DLG2: variants seen among roughly 807,000 people sequenced by gnomAD.
The protein encoded by DLG2 is disks large homolog 2.
In DLG2, 45 loss-of-function variants were observed where a neutral mutation model predicts 132.5. The observed-to-expected ratio is 0.34, with a 90% confidence interval of 0.27 to 0.44. DLG2 has a LOEUF of 0.44. DLG2 is among the 20% of genes least tolerant of loss of function. DLG2 has a pLI of 1.00. For synonymous variants in DLG2, 424 were observed against 419.6 expected (o/e 1.01, Z -0.13); for missense variants, 1,045 against 1,196.9 (o/e 0.87, Z 1.87).
intron 8 of DLG2, among the ~76,000 whole-genome samples, chr11:84,208,088 A>T (rs2096698846): frequency 6.6e-6 from 1 of 151,984 alleles, no homozygotes; most frequent in South Asian, 2.1e-4. Flanking sequence ...AACATATCTC[A>T]CCTTTGCAGT....
At chr11:83,799,124 A>C (rs926811937) in intron 17 of DLG2, among the ~76,000 whole-genome samples, 2 of 152,256 alleles carry the variant, frequency 1.3e-5, no homozygotes, top group Non-Finnish European at 2.9e-5. Flanking sequence ...ATTCACATGT[A>C]TTAAATGATC....
intron 7 of DLG2, among the ~76,000 whole-genome samples, chr11:84,356,760 T>C (rs1338248892): frequency 1.3e-5 from 2 of 151,958 alleles, no homozygotes; most frequent in African/African-American, 4.8e-5. Flanking sequence ...GGAAAGAGGA[T>C]CAGATAATGC....
At chr11:85,032,744 G>GA (rs1441121771) in intron 6 of DLG2, among the ~76,000 whole-genome samples, 1 of 151,592 alleles carries the variant, frequency 6.6e-6, no homozygotes, top group Non-Finnish European at 1.5e-5. Flanking sequence ...AGAAAACAAA[G>GA]AAAAAAAAGA....
intron 8 of DLG2, among the ~76,000 whole-genome samples, chr11:84,163,810 A>C (rs2095601471): frequency 6.6e-6 from 1 of 152,196 alleles, no homozygotes; most frequent in African/African-American, 2.4e-5. Context: ...ACAAAGAACA[A>C]ATCATCTAGG....
intron 3 of DLG2, among the ~76,000 whole-genome samples, chr11:85,578,847 GAA>G (rs1215878563): frequency 7.2e-5 from 11 of 152,262 alleles, no homozygotes; most frequent in African/African-American, 2.4e-4. Flanking sequence ...CATAAAGACA[GAA>G]ATACCATTTG....
chr11:83,692,814 G>T (rs909477998), intron 18 of DLG2: 3 of 152,136 alleles, frequency 2.0e-5, no homozygotes, highest in African/African-American at 7.2e-5. Context: ...ATTAGGTGTG[G>T]CCATGTGTCT....
At chr11:84,161,753 T>C (rs1331406231) in intron 9 of DLG2, among the ~76,000 whole-genome samples, 1 of 152,194 alleles carries the variant, frequency 6.6e-6, no homozygotes, top group Non-Finnish European at 1.5e-5. Context: ...CATTGAGTCC[T>C]GTGTTTAGAA....
intron 7 of DLG2, among the ~76,000 whole-genome samples, chr11:84,356,478 G>A (rs2098612626): frequency 6.6e-6 from 1 of 152,030 alleles, no homozygotes; most frequent in Non-Finnish European, 1.5e-5. Flanking sequence ...AGACTATCTG[G>A]CCTTAAATGC....
chr11:85,384,656 C>T (rs1046979398), intron 3 of DLG2, among the ~76,000 whole-genome samples: 6 of 152,194 alleles, frequency 3.9e-5, no homozygotes, highest in Non-Finnish European at 2.9e-5. Context: ...GCAACCTCCA[C>T]CTCCTGGGTT....
intron 11 of DLG2, among the ~76,000 whole-genome samples, chr11:84,012,602 C>T (rs1369525476): frequency 6.6e-6 from 1 of 152,064 alleles, no homozygotes; most frequent in Non-Finnish European, 1.5e-5. Flanking sequence ...GCTTTACTGT[C>T]AAAATATTCA....
At position 83,458,230 on chromosome 11, in the gene DLG2, G is replaced by T. The variant is rs531855624; in HGVS notation, c.*1588C>A. 2 of 152,668 alleles carry T rather than the reference G, an allele frequency of 1.3e-5. No individual in the cohort carries two copies. Among genetic ancestry groups the T allele is most frequent in the Admixed American group, 1.3e-4 (2 of 15,294 alleles). 9.5% of individuals were successfully genotyped at this position (152,668 alleles called of 1,614,324 possible). On this transcript the variant is annotated 3_prime_UTR_variant, in exon 28 of 28. Transcript: ENST00000376104. ...TGAAAAGTCTCTCCCCAAACACCAT[G>T]GGCAAAAGCAATGCTGATGTCGCCA...
chr11:83,495,614 TGTC>T (rs1373178329), intron 21 of DLG2, among the ~76,000 whole-genome samples: 1 of 152,154 alleles, frequency 6.6e-6, no homozygotes, highest in African/African-American at 2.4e-5. Flanking sequence ...GGTTAGAAAT[TGTC>T]GTACCCATTT....
chr11:83,603,336 TG>T (rs1361865541), intron 19 of DLG2, among the ~76,000 whole-genome samples: 1 of 152,136 alleles, frequency 6.6e-6, no homozygotes, highest in Non-Finnish European at 1.5e-5. Flanking sequence ...TTTCTTTTTT[TG>T]GCCCATCCAT....
intron 6 of DLG2, among the ~76,000 whole-genome samples, chr11:84,730,236 T>C (rs890648129): frequency 2.0e-5 from 3 of 152,020 alleles, no homozygotes; most frequent in African/African-American, 4.8e-5. Flanking sequence ...AGTTACTTAA[T>C]CTGAAAGTTA....
chr11:83,759,512 A>G (rs2093805515), intron 18 of DLG2, among the ~76,000 whole-genome samples: 1 of 152,150 alleles, frequency 6.6e-6, no homozygotes, highest in South Asian at 2.1e-4. Flanking sequence ...TTTGCTTTCC[A>G]GCTGTTTTTA....
intron 6 of DLG2, among the ~76,000 whole-genome samples, chr11:84,752,219 T>C (rs2066214132): frequency 6.6e-6 from 1 of 152,182 alleles, no homozygotes; most frequent in Admixed American, 6.5e-5. Context: ...CTTTCCTTCA[T>C]TCACTTAAGT....
At chr11:84,343,571 A>G (rs1440624331) in intron 7 of DLG2, among the ~76,000 whole-genome samples, 1 of 152,206 alleles carries the variant, frequency 6.6e-6, no homozygotes, top group African/African-American at 2.4e-5. Flanking sequence ...TCAGATGTTT[A>G]ACACACACGG....
chr11:84,981,712 C>A (rs906755005), intron 6 of DLG2, among the ~76,000 whole-genome samples: 9 of 152,028 alleles, frequency 5.9e-5, no homozygotes, highest in Non-Finnish European at 7.4e-5. Flanking sequence ...ATAAAAGATG[C>A]TCTCATGACT....
At chr11:83,847,139 A>G (rs1218833977) in intron 16 of DLG2, among the ~76,000 whole-genome samples, 1 of 152,158 alleles carries the variant, frequency 6.6e-6, no homozygotes, top group Non-Finnish European at 1.5e-5. Flanking sequence ...GAATAATTTT[A>G]GCAATCTTGT....
Sources: allele counts gnomAD v4.1 joint callset (sites outside exome capture counted in the v4.1 genomes callset), GRCh38; gene constraint gnomAD v4.1.1; transcripts MANE v1.5; gene names NCBI Gene and HGNC (gene_info 2026-07-23, HGNC 2026-07-21).